Variants in GLIS3 observed in about 807,000 individuals in gnomAD.
GLIS3 encodes GLIS family zinc finger 3.
Under a neutral mutation model 78.6 loss-of-function variants are expected in GLIS3, and 53 were observed. The observed-to-expected ratio is 0.67, with a 90% CI of 0.54 to 0.85. The LOEUF is 0.85. GLIS3 is among the 40% of genes least tolerant of loss of function. The pLI is 0.00. For synonymous variants in GLIS3, 684 were observed against 509.9 expected (o/e 1.34, Z -4.60); for missense variants, 1,703 against 1,231.1 (o/e 1.38, Z -5.74).
chr9:4,021,312 T>A (rs1290794172), intron 4 of GLIS3, among the ~76,000 whole-genome samples: 2 of 152,188 alleles, frequency 1.3e-5, no homozygotes, highest in Admixed American at 6.5e-5. Flanking sequence ...TTAAATGATT[T>A]ATAACATTTT....
intron 4 of GLIS3, among the ~76,000 whole-genome samples, chr9:4,016,843 T>C (rs1176939941): frequency 2.0e-5 from 3 of 152,182 alleles, no homozygotes; most frequent in Non-Finnish European, 4.4e-5. Context: ...TATTACCAGC[T>C]GGCATATGAT....
intron 1 of GLIS3, among the ~76,000 whole-genome samples, chr9:4,293,525 A>G (rs1816207245): frequency 6.6e-6 from 1 of 152,236 alleles, no homozygotes; most frequent in South Asian, 2.1e-4. Context: ...ACCTCTGTGA[A>G]TGACTCAGCC....
chr9:4,464,835 T>C, the GLIS3 span, among the ~76,000 whole-genome samples: 1 of 152,232 alleles, frequency 6.6e-6, no homozygotes. Context: ...CAGGAAATGC[T>C]GATCTGAAGA....
chr9:4,400,459 G>T, the GLIS3 span, among the ~76,000 whole-genome samples: 1 of 152,184 alleles, frequency 6.6e-6, no homozygotes. Context: ...CATGAGTTAT[G>T]TGACAGCCAG....
intron 2 of GLIS3, among the ~76,000 whole-genome samples, chr9:4,206,913 G>A (rs1015172920): frequency 6.6e-6 from 1 of 152,194 alleles, no homozygotes; most frequent in Non-Finnish European, 1.5e-5. Context: ...GGAGGACGAA[G>A]TCCATGATAC....
intron 2 of GLIS3, among the ~76,000 whole-genome samples, chr9:4,127,127 T>C (rs544536343): frequency 1.3e-5 from 2 of 152,258 alleles, no homozygotes; most frequent in South Asian, 4.1e-4. Context: ...CAGCCCTATC[T>C]CAAAAATGCT....
chr9:3,915,904 C>A (rs951197140), intron 6 of GLIS3, among the ~76,000 whole-genome samples: 2 of 152,198 alleles, frequency 1.3e-5, no homozygotes, highest in African/African-American at 4.8e-5. Flanking sequence ...ATCTCTCTTT[C>A]TTCCCCAACC....
At chr9:4,048,948 G>A (rs753671323) in intron 4 of GLIS3, among the ~76,000 whole-genome samples, 1 of 152,150 alleles carries the variant, frequency 6.6e-6, no homozygotes, top group African/African-American at 2.4e-5. Context: ...TCACCAACAC[G>A]TGGCAGGACA....
At chr9:4,269,379 T>C (rs1826300551) in intron 2 of GLIS3, among the ~76,000 whole-genome samples, 1 of 152,218 alleles carries the variant, frequency 6.6e-6, no homozygotes, top group Non-Finnish European at 1.5e-5. Flanking sequence ...CTTTATTTCA[T>C]GATTCTTATT....
At chr9:4,217,612 G>C (rs1587010301) in intron 2 of GLIS3, among the ~76,000 whole-genome samples, 1 of 152,128 alleles carries the variant, frequency 6.6e-6, no homozygotes, top group Admixed American at 6.5e-5. Flanking sequence ...TCCTTCAAAA[G>C]ACATGCCTTA....
At position 4,015,206 on chromosome 9, in the gene GLIS3, G is replaced by A. The variant is rs888424059; in HGVS notation, c.1711-78017C>T. ...GAATTAGCTGACCATGGCATGGAAG[G>A]CCGTGTGTGCAGGGATGTGAGGAAG... On this transcript the variant is annotated intron_variant, in intron 4 of 10. Transcript: ENST00000381971. Among the ~76,000 whole-genome samples the A allele has an allele frequency of 5.9e-5, 9 of 152,304 alleles. No homozygotes were observed. The South Asian group carries it at 1.2e-3, about 21-fold the overall frequency.
chr9:4,195,329 A>G (rs1818718664), intron 2 of GLIS3, among the ~76,000 whole-genome samples: 1 of 151,848 alleles, frequency 6.6e-6, no homozygotes. Context: ...GGGGCTGTGC[A>G]CGGTGCTCGC....
chr9:4,479,253 AAG>A, the GLIS3 span, among the ~76,000 whole-genome samples: 1 of 152,176 alleles, frequency 6.6e-6, no homozygotes, highest in Non-Finnish European at 1.5e-5. Flanking sequence ...ACAAATAAAT[AAG>A]AGAGATTGTA....
chr9:4,399,007 T>G, the GLIS3 span, among the ~76,000 whole-genome samples: 1 of 152,188 alleles, frequency 6.6e-6, no homozygotes, highest in Non-Finnish European at 1.5e-5. Flanking sequence ...CTTAGATTCC[T>G]TTGTTTTCTG....
At chr9:4,249,126 C>T (rs1425999854) in intron 2 of GLIS3, among the ~76,000 whole-genome samples, 1 of 151,934 alleles carries the variant, frequency 6.6e-6, no homozygotes, top group Non-Finnish European at 1.5e-5. Flanking sequence ...TTTTTTGGTT[C>T]CATATGAAAT....
intron 4 of GLIS3, among the ~76,000 whole-genome samples, chr9:3,999,111 T>G (rs1247085281): frequency 6.6e-6 from 1 of 152,154 alleles, no homozygotes; most frequent in Admixed American, 6.5e-5. Context: ...CTTATAGAAA[T>G]ATTCCTCATA....
At chr9:4,356,858 C>T in the GLIS3 span, among the ~76,000 whole-genome samples, 1 of 152,184 alleles carries the variant, frequency 6.6e-6, no homozygotes, top group Admixed American at 6.5e-5. Flanking sequence ...CAAGATTACA[C>T]ATGTAAAAAG....
At chr9:3,864,931 T>C (rs1278865638) in intron 8 of GLIS3, among the ~76,000 whole-genome samples, 52 of 152,180 alleles carry the variant, frequency 3.4e-4, no homozygotes, top group Admixed American at 3.4e-3. Flanking sequence ...AGAATTACTC[T>C]GCTGAACATG....
chr9:4,160,985 T>A (rs1171667110), intron 2 of GLIS3, among the ~76,000 whole-genome samples: 1 of 149,642 alleles, frequency 6.7e-6, no homozygotes, highest in Non-Finnish European at 1.5e-5. Flanking sequence ...GGTTCATGCC[T>A]ATAATCCCAG....
Sources: gnomAD v4.1 joint callset for allele counts (sites outside exome capture counted in the v4.1 genomes callset) on GRCh38, gnomAD v4.1.1 for gene constraint, MANE v1.5 for transcripts, NCBI Gene and HGNC (gene_info 2026-07-23, HGNC 2026-07-21) for gene names.